Variants in GLB1L3 observed in about 807,000 individuals in gnomAD.
The protein encoded by GLB1L3 is galactosidase beta 1 like 3, also known as beta-galactosidase-1-like protein 3.
In GLB1L3, 89 loss-of-function variants were observed where a neutral mutation model predicts 89.5. The observed-to-expected ratio is 0.99, with a 90% CI of 0.84 to 1.19. GLB1L3 has a LOEUF of 1.19. GLB1L3 is among the 50% of genes most tolerant of loss of function. The pLI is 0.00. For missense variants in GLB1L3, 812 were observed against 813.3 expected (o/e 1.00, Z 0.02); for synonymous variants, 314 against 312.3 (o/e 1.01, Z -0.06).
chr11:134,293,286 T>C (rs1314927958), intron 9 of GLB1L3, 77 bp downstream of exon 9: 1 of 1,239,302 alleles, frequency 8.1e-7, no homozygotes, highest in African/African-American at 1.5e-5. Context: ...TGGTATTCCG[T>C]GAAAACAGGT....
Position 134,300,331 on chromosome 11 carries a change from A to AT in GLB1L3, c.877-6774dup, listed in dbSNP as rs3065410. 1.7e-4 allele frequency among the ~76,000 whole-genome samples: 23 copies of AT among 131,574 alleles called. No individual in the cohort carries two copies. In the East Asian group the frequency reaches 2.0e-3, roughly 11 times the overall value. The allele number at this position is 131,574 out of a possible 152,430, so 86.3% of individuals were successfully genotyped here. ...GATTAGGGCCCATCCTATTGACCAC[A>AT]TTTTTTTTTTTTTTTTTTTGAGACA... On this transcript the variant is annotated intron_variant, in intron 9 of 19. Coordinates refer to ENST00000431683, the MANE Select transcript of GLB1L3 (RefSeq NM_001080407.3).
chr11:134,309,582 C>T (rs1942619501), intron 10 of GLB1L3, 44 bp from the exon 11 acceptor site: 2 of 1,496,296 alleles, frequency 1.3e-6, no homozygotes, highest in Non-Finnish European at 1.8e-6. Flanking sequence ...TCTGTCTCCT[C>T]TTAATTTCTA....
intron 10 of GLB1L3, among the ~76,000 whole-genome samples, chr11:134,308,206 C>A (rs1192824800): frequency 1.6e-5 from 1 of 64,298 alleles, no homozygotes; most frequent in Admixed American, 1.3e-4. Context: ...TCACCACTAC[C>A]ACCACCACCA....
intron 3 of GLB1L3, among the ~76,000 whole-genome samples, chr11:134,278,977 T>C (rs981268204): frequency 6.6e-6 from 1 of 152,228 alleles, no homozygotes; most frequent in African/African-American, 2.4e-5. Flanking sequence ...AGGCACACAT[T>C]ACATACACAC....
intron 9 of GLB1L3, among the ~76,000 whole-genome samples, chr11:134,295,776 T>C (rs908367239): frequency 2.0e-5 from 3 of 152,216 alleles, no homozygotes; most frequent in Non-Finnish European, 4.4e-5. Flanking sequence ...GTACTAGTTT[T>C]GCTGCATCTC....
intron 10 of GLB1L3, among the ~76,000 whole-genome samples, chr11:134,308,226 C>CCATCACCACCAT (rs1565412511): frequency 3.6e-5 from 1 of 27,748 alleles, no homozygotes; most frequent in Non-Finnish European, 8.0e-5. Flanking sequence ...ATCACCATCA[C>CCATCACCACCAT]CACCACCACC....
intron 10 of GLB1L3, among the ~76,000 whole-genome samples, chr11:134,308,223 T>TCACCACCAC (rs1942337238): frequency 3.6e-5 from 1 of 27,554 alleles, no homozygotes; most frequent in Non-Finnish European, 6.8e-5. Flanking sequence ...ACCATCACCA[T>TCACCACCAC]CACCACCACC....
At chr11:134,296,331 C>T (rs1941637137) in intron 9 of GLB1L3, among the ~76,000 whole-genome samples, 2 of 139,828 alleles carry the variant, frequency 1.4e-5, no homozygotes, top group Non-Finnish European at 3.1e-5. Context: ...ACCCAGCCAT[C>T]CCATTACTGG....
At chr11:134,296,824 T>C (rs1941672108) in intron 9 of GLB1L3, among the ~76,000 whole-genome samples, 1 of 119,764 alleles carries the variant, frequency 8.3e-6, no homozygotes, top group Admixed American at 8.8e-5. Flanking sequence ...ACATGTACCC[T>C]AAAACTTAAA....
intron 17 of GLB1L3, 133 bp downstream of exon 17, chr11:134,314,161 C>T: frequency 1.3e-6 from 1 of 757,370 alleles, no homozygotes; most frequent in Non-Finnish European, 2.3e-6. Flanking sequence ...ACTTCGGCGT[C>T]AGAACTAGGG....
intron 10 of GLB1L3, among the ~76,000 whole-genome samples, chr11:134,308,199 C>T (rs188491340): frequency 0.27 from 14,859 of 55,354 alleles, 1,910 homozygotes; most frequent in Admixed American, 0.4. Context: ...ATCACCATCA[C>T]CACTACCACC....
intron 6 of GLB1L3, 119 bp downstream of exon 6, chr11:134,283,964 G>C (rs1200298024): frequency 4.5e-6 from 3 of 664,532 alleles, no homozygotes. Flanking sequence ...TGACTTTCTT[G>C]TAACCTTGAG....
intron 8 of GLB1L3, 73 bp from the exon 9 acceptor site, chr11:134,293,072 G>A (rs372174089): frequency 3.0e-5 from 38 of 1,251,360 alleles, no homozygotes; most frequent in East Asian, 1.4e-4. Flanking sequence ...CGTCCGGGCC[G>A]GGGGCGCATT....
intron 7 of GLB1L3, among the ~76,000 whole-genome samples, chr11:134,289,225 A>G (rs906031269): frequency 2.6e-5 from 4 of 152,310 alleles, no homozygotes; most frequent in East Asian, 3.9e-4. Flanking sequence ...TAAGAAAATC[A>G]TAAGGAACAG....
At chr11:134,288,586 C>T (rs948482421) in intron 6 of GLB1L3, among the ~76,000 whole-genome samples, 1 of 152,136 alleles carries the variant, frequency 6.6e-6, no homozygotes, top group Non-Finnish European at 1.5e-5. Context: ...CTGGCAGTTA[C>T]GTACTGTAAC....
chr11:134,276,664 C>T lies in GLB1L3; in HGVS notation c.-77C>T. The T allele has an allele frequency of 1.6e-6, 2 of 1,290,080 alleles. No individual in the cohort carries two copies. Among genetic ancestry groups the T allele is most frequent in the Non-Finnish European group, 1.0e-6 (1 of 998,498 alleles). 79.9% of individuals were successfully genotyped at this position (1,290,080 alleles called of 1,614,324 possible). Reference sequence around the variant, plus strand: ...CCCCGCGGAACCGGGGCTCGAGTCCCGGCCCGAGCGCGGCGTCGGGGCCAG... The same window carrying T: ...CCCCGCGGAACCGGGGCTCGAGTCCTGGCCCGAGCGCGGCGTCGGGGCCAG... On this transcript the variant is annotated 5_prime_UTR_variant, in exon 1 of 20. Transcript: ENST00000431683.
chr11:134,322,438 A>G (rs1051350492), downstream of GLB1L3, among the ~76,000 whole-genome samples: 1 of 152,230 alleles, frequency 6.6e-6, no homozygotes, highest in Admixed American at 6.5e-5. Context: ...AATGAGTTGT[A>G]AACTCTTTTA....
Position 134,307,134 on chromosome 11 carries a change from C to T in GLB1L3, c.887C>T (p.Pro296Leu), listed in dbSNP as rs746333752. 5.0e-6 allele frequency: 8 copies of T among 1,613,098 alleles called. 1 individual carries two copies. The highest frequency in any genetic ancestry group is 1.3e-5 in the African/African-American group (1 of 74,966). ...TTGGTTTGTTTTTAGAGAGATAAGC[C>T]CCTTCTGATTATGGAATACTGGGTC... Reference protein sequence around the residue: ...NQLHKVQRDKPLLIMEYWVGW... With the variant: ...NQLHKVQRDKLLLIMEYWVGW... The change falls in exon 10 of 20, where the codon CCC (proline) becomes CTC (leucine). Residue 296 changes from proline to leucine, a missense_variant. Physicochemically the swap from Pro to Leu is moderately conservative, Grantham distance 98. This residue lies in a region of GLB1L3 where 618 missense variants were observed against 604.0 expected (regional missense o/e 1.02). Transcript: ENST00000431683.
At chr11:134,279,752 G>A (rs941800196) in intron 3 of GLB1L3, among the ~76,000 whole-genome samples, 5 of 152,058 alleles carry the variant, frequency 3.3e-5, no homozygotes, top group African/African-American at 1.2e-4. Flanking sequence ...ATCACGTTGT[G>A]TATTTTGGCT....
Sources: gnomAD v4.1 joint callset for allele counts (sites outside exome capture counted in the v4.1 genomes callset) on GRCh38, gnomAD v4.1.1 for gene constraint, gnomAD v4.1.1 regional missense constraint, MANE v1.5 for transcripts, NCBI Gene and HGNC (gene_info 2026-07-23, HGNC 2026-07-21) for gene names.